FAM110B: variants seen among roughly 807,000 people sequenced by gnomAD.
FAM110B encodes family with sequence similarity 110 member B, also known as protein FAM110B.
FAM110B carries 6 observed loss-of-function variants against 20.4 expected under a neutral mutation model. The ratio of observed to expected loss-of-function variants is 0.29; its 90% CI spans 0.16 to 0.58. The LOEUF is 0.58. FAM110B is among the 20% of genes least tolerant of loss of function. The pLI is 0.90. For missense variants in FAM110B, 434 were observed against 498.2 expected (o/e 0.87, Z 1.23); for synonymous variants, 226 against 214.1 (o/e 1.06, Z -0.49).
chr8:58,135,534 G>T (rs566830286), intron 3 of FAM110B, among the ~76,000 whole-genome samples: 85 of 152,086 alleles, frequency 5.6e-4, no homozygotes, highest in Middle Eastern at 3.4e-3. Context: ...ATCATCTTCT[G>T]CCCTAAGGCT....
intron 3 of FAM110B, among the ~76,000 whole-genome samples, chr8:58,085,716 A>T (rs968220835): frequency 1.3e-5 from 2 of 152,072 alleles, no homozygotes; most frequent in African/African-American, 4.8e-5. Flanking sequence ...TCTCCACCAG[A>T]TATCTATTTT....
intron 1 of FAM110B, among the ~76,000 whole-genome samples, chr8:58,027,338 A>G (rs1804874490): frequency 1.3e-5 from 2 of 151,976 alleles, no homozygotes; most frequent in African/African-American, 4.8e-5. Context: ...CTTATTAAGT[A>G]TTTGAAGATG....
intron 3 of FAM110B, among the ~76,000 whole-genome samples, chr8:58,143,499 T>C (rs1172652210): frequency 6.6e-6 from 1 of 152,248 alleles, no homozygotes; most frequent in Non-Finnish European, 1.5e-5. Flanking sequence ...GTGACATAAT[T>C]CTTTCACACA....
intron 3 of FAM110B, among the ~76,000 whole-genome samples, chr8:58,129,146 A>C (rs956658797): frequency 5.3e-5 from 8 of 152,212 alleles, no homozygotes; most frequent in African/African-American, 1.9e-4. Flanking sequence ...AAGAAAGAAG[A>C]ATGTCACAAA....
At chr8:58,089,070 T>C (rs1010790939) in intron 3 of FAM110B, among the ~76,000 whole-genome samples, 3 of 152,198 alleles carry the variant, frequency 2.0e-5, no homozygotes, top group African/African-American at 7.2e-5. Context: ...GTAAAAACCT[T>C]CACAGATGAA....
chr8:58,068,270 C>G (rs986705641), intron 2 of FAM110B, among the ~76,000 whole-genome samples: 1 of 152,232 alleles, frequency 6.6e-6, no homozygotes, highest in African/African-American at 2.4e-5. Flanking sequence ...GATGATGCTT[C>G]AAGGTAGCAC....
chr8:58,110,836 A>G (rs1331526158), intron 3 of FAM110B, among the ~76,000 whole-genome samples: 1 of 152,184 alleles, frequency 6.6e-6, no homozygotes, highest in Non-Finnish European at 1.5e-5. Context: ...AAGGAGAGAC[A>G]CAGAAGGGGA....
chr8:57,997,406 G>A (rs1453190634), intron 1 of FAM110B, among the ~76,000 whole-genome samples: 1 of 152,140 alleles, frequency 6.6e-6, no homozygotes, highest in Non-Finnish European at 1.5e-5. Context: ...AACATTGCTT[G>A]TAAAAATATT....
chr8:58,125,179 C>T (rs1807465316), intron 3 of FAM110B, among the ~76,000 whole-genome samples: 1 of 152,086 alleles, frequency 6.6e-6, no homozygotes, highest in Non-Finnish European at 1.5e-5. Context: ...CAAGACCCTT[C>T]TCCACAAAAA....
chr8:58,135,274 C>T (rs1190623929), intron 3 of FAM110B, among the ~76,000 whole-genome samples: 2 of 152,196 alleles, frequency 1.3e-5, no homozygotes, highest in African/African-American at 4.8e-5. Flanking sequence ...GGCATTATTA[C>T]AGTTCTGGGG....
At chr8:58,011,937 C>T (rs1193826833) in intron 1 of FAM110B, among the ~76,000 whole-genome samples, 3 of 152,192 alleles carry the variant, frequency 2.0e-5, no homozygotes, top group South Asian at 2.1e-4. Context: ...GTAGCCCTCA[C>T]GTCTGTCACA....
At chr8:58,049,792 T>C (rs1805402591) in intron 2 of FAM110B, among the ~76,000 whole-genome samples, 1 of 152,226 alleles carries the variant, frequency 6.6e-6, no homozygotes, top group African/African-American at 2.4e-5. Context: ...AGTAAGTTAA[T>C]GCTCACTCTT....
chr8:58,037,542 G>A (rs2150575229), intron 2 of FAM110B, among the ~76,000 whole-genome samples: 1 of 152,010 alleles, frequency 6.6e-6, no homozygotes, highest in East Asian at 1.9e-4. Flanking sequence ...GTTAAGCTTA[G>A]GCAGGAGGAT....
At chr8:57,997,989 G>T (rs985511952) in intron 1 of FAM110B, among the ~76,000 whole-genome samples, 1 of 152,222 alleles carries the variant, frequency 6.6e-6, no homozygotes, top group African/African-American at 2.4e-5. Flanking sequence ...TTTCTGTCAT[G>T]CCAGGAGGAA....
chr8:58,008,664 G>T (rs1804464336), intron 1 of FAM110B, among the ~76,000 whole-genome samples: 1 of 152,182 alleles, frequency 6.6e-6, no homozygotes, highest in African/African-American at 2.4e-5. Flanking sequence ...ACCCTGCAAT[G>T]CTGTGGAACA....
chr8:58,004,931 C>T (rs897174563), intron 1 of FAM110B, among the ~76,000 whole-genome samples: 3 of 152,132 alleles, frequency 2.0e-5, no homozygotes, highest in African/African-American at 7.2e-5. Flanking sequence ...TCCCGAGAAG[C>T]GATAAGGCTG....
At chr8:58,126,143 TACATACA>T (rs1807498129) in intron 3 of FAM110B, among the ~76,000 whole-genome samples, 1 of 152,230 alleles carries the variant, frequency 6.6e-6, no homozygotes, top group Non-Finnish European at 1.5e-5. Context: ...GAATGTTATA[TACATACA>T]GTATGTGACT....
chr8:58,053,462 C>T (rs187682937), intron 2 of FAM110B, among the ~76,000 whole-genome samples: 175 of 152,240 alleles, frequency 1.1e-3, no homozygotes, highest in African/African-American at 3.5e-3. Flanking sequence ...GGTGGGGTCA[C>T]GTTTAGGAGA....
rs565847723 is a variant in FAM110B, at chr8:58,057,770, A to G, written c.-413-17765A>G. ...TGCTCAACTGTAAAATGGTGACAGT[A>G]GTATCTGCTTCATGGAATTTTGCAA... On this transcript the variant is annotated intron_variant, in intron 2 of 3. Coordinates refer to ENST00000519262, the MANE Select transcript of FAM110B (RefSeq NM_001377989.1). Among the ~76,000 whole-genome samples the G allele has an allele frequency of 3.9e-5, 6 of 152,374 alleles. No homozygotes were observed. In the South Asian group the frequency reaches 1.2e-3, roughly 32 times the overall value.
Sources: allele counts gnomAD v4.1 joint callset (sites outside exome capture counted in the v4.1 genomes callset), GRCh38; gene constraint gnomAD v4.1.1; transcripts MANE v1.5; gene names NCBI Gene and HGNC (gene_info 2026-07-23, HGNC 2026-07-21).